The following SPOUT1 variants were observed in gnomAD, a reference collection of about 807,000 sequenced individuals.
The protein encoded by SPOUT1 is 28S rRNA (uridine-N(3))-methyltransferase.
Under a neutral mutation model 54.8 loss-of-function variants are expected in SPOUT1, and 40 were observed. The observed-to-expected ratio is 0.73, with a 90% CI of 0.57 to 0.95. SPOUT1 has a LOEUF of 0.95. SPOUT1 is among the 40% of genes least tolerant of loss of function. The pLI is 0.00. For missense variants in SPOUT1, 437 were observed against 499.5 expected (o/e 0.87, Z 1.19); for synonymous variants, 193 against 200.3 (o/e 0.96, Z 0.31).
At position 128,826,184 on chromosome 9, in the gene SPOUT1, AGTGCTAG is replaced by A. The variant is rs759754768; in HGVS notation, c.509-39_509-33del. The A allele has an allele frequency of 1.3e-6, 2 of 1,585,734 alleles. No individual in the cohort carries two copies. Among genetic ancestry groups the A allele is most frequent in the South Asian group, 2.3e-5 (2 of 85,684 alleles). The stretch of plus-strand genomic sequence containing the variant: ...AGGCAGAGCCGGGAAGAGTCTGGGA[AGTGCTAG>A]GGCACACAGGGTGCAGTGGGGACCC... On this transcript the variant is annotated intron_variant, in intron 6 of 11. Coordinates refer to ENST00000361256, the MANE Select transcript of SPOUT1 (RefSeq NM_016390.4). This position sits in a 1 kb window ranked among gnomAD's most constrained non-coding sequence, Gnocchi z 5.5.
Position 128,822,819 on chromosome 9 carries a change from G to T in SPOUT1, c.1077C>A (p.Ile359=). Residue 359 remains isoleucine (I), a synonymous_variant, in exon 12 of 12, where the codon ATC becomes ATA. Coordinates refer to ENST00000361256, the MANE Select transcript of SPOUT1 (RefSeq NM_016390.4). ...RTIRTEEAIL[I]SLAALQPGLI... ...GGCCAGGCTGCAGGGCGGCCAGGGA[G>T]ATGAGGATGGCTTCCTGGAAGAGAA... 1.9e-6 allele frequency: 3 copies of T among 1,590,008 alleles called. No homozygotes were observed. Among genetic ancestry groups the T allele is most frequent in the Non-Finnish European group, 2.6e-6 (3 of 1,167,424 alleles).
intron 7 of SPOUT1, among the ~76,000 whole-genome samples, chr9:128,825,485 C>CGT (rs1369273760): frequency 6.6e-6 from 1 of 152,156 alleles, no homozygotes; most frequent in African/African-American, 2.4e-5. Flanking sequence ...ATGCGTGCCA[C>CGT]CACACCTGGA....
At chr9:128,823,244 G>A (rs970095060) in intron 11 of SPOUT1, among the ~76,000 whole-genome samples, 2 of 152,134 alleles carry the variant, frequency 1.3e-5, no homozygotes, top group Non-Finnish European at 2.9e-5. Context: ...TCGGCCCGGC[G>A]AGACTGATGG....
At chr9:128,824,298 GT>G in intron 9 of SPOUT1, 124 bp from the exon 10 acceptor site, 1 of 560,288 alleles carries the variant, frequency 1.8e-6, no homozygotes, top group Non-Finnish European at 3.2e-6. Flanking sequence ...GTGTGTGTGT[GT>G]GCGTGTGTGT....
chr9:128,829,643 G>T, intron 1 of SPOUT1, 102 bp downstream of exon 1: 5 of 884,198 alleles, frequency 5.7e-6, no homozygotes, highest in Non-Finnish European at 8.7e-6. Flanking sequence ...GCGGGAAGCA[G>T]GCAGCAGGAG....
At chr9:128,827,341 T>G in intron 3 of SPOUT1, 150 bp from the exon 4 acceptor site, 1 of 672,772 alleles carries the variant, frequency 1.5e-6, no homozygotes, top group Non-Finnish European at 2.5e-6. Context: ...CTCCCCTCTC[T>G]GGGCCTCAGT....
rs1589595675 is a variant in SPOUT1 at position 128,826,764 on chromosome 9, C to G, written c.369-135G>C. 1.4e-6 allele frequency: 1 copy of G among 692,946 alleles called. No individual in the cohort carries two copies. The highest frequency in any genetic ancestry group is 2.7e-5 in the East Asian group (1 of 37,310). 42.9% of individuals were successfully genotyped at this position (692,946 alleles called of 1,614,324 possible). On this transcript the variant is annotated intron_variant, in intron 4 of 11. Transcript: ENST00000361256. This position sits in a 1 kb window ranked among gnomAD's most constrained non-coding sequence, Gnocchi z 5.5. ...ATCATCTGAGTGCAGCAAGTAGAGG[C>G]TGCAGTGAGCCATGACCATGCCACT... is the stretch of plus-strand genomic sequence containing the variant.
At position 128,828,747 on chromosome 9, in the gene SPOUT1, T is replaced by C. The variant is rs767787951; in HGVS notation, c.196A>G (p.Lys66Glu). The C allele has an allele frequency of 2.5e-6, 4 of 1,613,728 alleles. No individual in the cohort carries two copies. Among genetic ancestry groups the C allele is most frequent in the African/African-American group, 2.7e-5 (2 of 74,924 alleles). The stretch of plus-strand genomic sequence containing the variant: ...GACCCCAGCTCACCGCGGTCCTCCT[T>C]CTCTGCCGCTGCCTCCTCCTCTTCC... The part of the protein sequence containing the change: ...RLEEEEAAAE[K>E]EDRGRPYTLS... Residue 66 changes from lysine (K) to glutamate (E), a missense_variant, in exon 3 of 12, where the codon AAG (lysine) becomes GAG (glutamate). Coordinates refer to ENST00000361256, the MANE Select transcript of SPOUT1 (RefSeq NM_016390.4).
In SPOUT1 at chr9:128,827,134, G is replaced by A. The variant is rs764900741; in HGVS notation, c.266C>T (p.Ser89Leu). The A allele has an allele frequency of 1.9e-5, 31 of 1,614,010 alleles. No homozygotes were observed. In the Middle Eastern group the frequency reaches 4.9e-4, roughly 26 times the overall value. Residue 89 changes from serine to leucine, a missense_variant, in exon 4 of 12, where the codon TCG becomes TTG. Ser to Leu is a moderately radical substitution (Grantham distance 145). Transcript: ENST00000361256. ...LPGSILDNAQ[S>L]PELRTYLAGQ... is the part of the protein sequence containing the mutation. ...GGCCAAGTAGGTGCGAAGCTCCGGCGACTGAGCATTGTCCAGGATGGAGCC... is the reference window on the plus strand; with the variant it reads ...GGCCAAGTAGGTGCGAAGCTCCGGCAACTGAGCATTGTCCAGGATGGAGCC...
chr9:128,820,815 T>C lies in SPOUT1; in HGVS notation c.*1950A>G, dbSNP rs1269516001. Reference sequence around the variant, plus strand: ...AGCTTGACCCGCAGCTACCAAAACGTCTATGTCTGCACAGGGCCACTCTTC... The same window carrying C: ...AGCTTGACCCGCAGCTACCAAAACGCCTATGTCTGCACAGGGCCACTCTTC... On this transcript the variant is annotated 3_prime_UTR_variant, in exon 12 of 12. Coordinates refer to ENST00000361256, the MANE Select transcript of SPOUT1 (RefSeq NM_016390.4). The C allele has an allele frequency of 6.2e-7, 1 of 1,611,764 alleles. No individual in the cohort carries two copies. Among genetic ancestry groups the C allele is most frequent in the Admixed American group, 1.7e-5 (1 of 59,728 alleles).
chr9:128,824,293 T>TGTGTGTGC, intron 9 of SPOUT1, 119 bp from the exon 10 acceptor site: 1 of 602,798 alleles, frequency 1.7e-6, no homozygotes, highest in Non-Finnish European at 3.0e-6. Flanking sequence ...TGTGTGTGTG[T>TGTGTGTGC]GTGTGTGCGT....
chr9:128,822,291 AG>A lies in SPOUT1; in HGVS notation c.*473del. ...GGAAGAGGTGGCTTTGGGTTCATCC[AG>A]GCCCCCTGCCCACGTGTGCCTGGGT... is the stretch of plus-strand genomic sequence containing the variant. On this transcript the variant is annotated 3_prime_UTR_variant, in exon 12 of 12. Transcript: ENST00000361256. The A allele has an allele frequency of 6.3e-7, 1 of 1,599,432 alleles. No individual in the cohort carries two copies. Among genetic ancestry groups the A allele is most frequent in the East Asian group, 2.2e-5 (1 of 44,670 alleles).
rs765144423 is a variant in SPOUT1 at position 128,824,169 on chromosome 9, C to A, written c.817G>T (p.Val273Leu). The change falls in exon 10 of 12, where the codon GTG (valine) becomes TTG (leucine). Residue 273 changes from valine to leucine, a missense_variant. Coordinates refer to ENST00000361256, the MANE Select transcript of SPOUT1 (RefSeq NM_016390.4). The part of the protein sequence containing the change: ...TVRLASCLSA[V>L]FAEAPFQDGY... Reference sequence around the variant, plus strand: ...TCTTGGAAGGGGGCCTCAGCAAACACAGCACCTGGGGGTGGGGCCAGCTCA... The same window carrying A: ...TCTTGGAAGGGGGCCTCAGCAAACAAAGCACCTGGGGGTGGGGCCAGCTCA... 1 of 1,609,008 alleles carries A rather than the reference C, an allele frequency of 6.2e-7. No individual in the cohort carries two copies. The highest frequency in any genetic ancestry group is 8.5e-7 in the Non-Finnish European group (1 of 1,176,130).
chr9:128,823,123 C>T (rs577708312), intron 11 of SPOUT1, among the ~76,000 whole-genome samples: 1 of 150,946 alleles, frequency 6.6e-6, no homozygotes, highest in Non-Finnish European at 1.5e-5. Flanking sequence ...AGTTTTCACC[C>T]CTCGTGCAGG....
At position 128,829,789 on chromosome 9, in the gene SPOUT1, C is replaced by T; in HGVS notation, c.-9G>A. 1 of 1,600,294 alleles carries T rather than the reference C, an allele frequency of 6.2e-7. No homozygotes were observed. Among genetic ancestry groups the T allele is most frequent in the African/African-American group, 1.3e-5 (1 of 74,902 alleles). ...CTGCCGCGCTCCGCCATGTTCCGCACACACCGTCGGTCCCGCCTCTGCCAA... is the reference window on the plus strand; with the variant it reads ...CTGCCGCGCTCCGCCATGTTCCGCATACACCGTCGGTCCCGCCTCTGCCAA... On this transcript the variant is annotated 5_prime_UTR_variant, in exon 1 of 12. The change creates a new upstream start codon in the 5' untranslated region. Transcript: ENST00000361256.
At position 128,820,687 on chromosome 9, in the gene SPOUT1, G is replaced by C; in HGVS notation, c.*2078C>G. On this transcript the variant is annotated 3_prime_UTR_variant, in exon 12 of 12. Transcript: ENST00000361256. ...CAGGACCTGGGGCGGCCCTCTGATA[G>C]AGGAGGAAGGGTCCCAGCCACAGTC... 2 of 1,517,726 alleles carry C rather than the reference G, an allele frequency of 1.3e-6. No individual in the cohort carries two copies. Among genetic ancestry groups the C allele is most frequent in the Admixed American group, 3.8e-5 (2 of 52,618 alleles). 94.0% of individuals were successfully genotyped at this position (1,517,726 alleles called of 1,614,324 possible). A position where few individuals can be genotyped will look rare whatever the true frequency, so the allele number is the denominator to read the frequency against.
rs192792350 is a variant in SPOUT1, at chr9:128,826,563, G to A, written c.435C>T (p.Ile145=). 6.2e-7 allele frequency: 1 copy of A among 1,609,208 alleles called. No individual in the cohort carries two copies. Among genetic ancestry groups the A allele is most frequent in the Admixed American group, 1.7e-5 (1 of 59,784 alleles). Residue 145 remains isoleucine, a synonymous_variant, in exon 5 of 12, where the codon ATC becomes ATT. Transcript: ENST00000361256. This position sits in a 1 kb window ranked among gnomAD's most constrained non-coding sequence, Gnocchi z 5.5. ...KGQACVQLAR[I]LQYLECPQYL... The stretch of plus-strand genomic sequence containing the variant: ...ACTGTGGACACTCCAGGTACTGCAG[G>A]ATCCGGGCCAGCTGTACGCACGCCT...
Position 128,820,706 on chromosome 9 carries a change from C to G in SPOUT1, c.*2059G>C, listed in dbSNP as rs768238743. The G allele has an allele frequency of 1.3e-5, 20 of 1,572,692 alleles. No homozygotes were observed. Among genetic ancestry groups the G allele is most frequent in the Non-Finnish European group, 1.6e-5 (19 of 1,154,128 alleles). ...CTGATAGAGGAGGAAGGGTCCCAGCCACAGTCCTGCTAAGCCCTATCTCTC... is the reference window on the plus strand; with the variant it reads ...CTGATAGAGGAGGAAGGGTCCCAGCGACAGTCCTGCTAAGCCCTATCTCTC... On this transcript the variant is annotated 3_prime_UTR_variant, in exon 12 of 12. Coordinates refer to ENST00000361256, the MANE Select transcript of SPOUT1 (RefSeq NM_016390.4).
chr9:128,820,621 C>T lies in SPOUT1; in HGVS notation c.*2144G>A. 1 of 808,142 alleles carries T rather than the reference C, an allele frequency of 1.2e-6. No individual in the cohort carries two copies. Among genetic ancestry groups the T allele is most frequent in the Non-Finnish European group, 2.0e-6 (1 of 495,634 alleles). The allele number at this position is 808,142 out of a possible 1,614,324, so 50.1% of individuals were successfully genotyped here. ...TCATTCCTTGAGCCTCAGTTTCCCC[C>T]CGCTTGTCTCACTGGATATCTCTGA... On this transcript the variant is annotated 3_prime_UTR_variant, in exon 12 of 12. Coordinates refer to ENST00000361256, the MANE Select transcript of SPOUT1 (RefSeq NM_016390.4).
Sources: allele counts gnomAD v4.1 joint callset (sites outside exome capture counted in the v4.1 genomes callset), GRCh38; gene constraint gnomAD v4.1.1; non-coding constraint Gnocchi (gnomAD v3.1); transcripts MANE v1.5; gene names NCBI Gene and HGNC (gene_info 2026-07-23, HGNC 2026-07-21).